The following YES1 variants were observed in gnomAD, a reference collection of about 807,000 sequenced individuals.
The protein encoded by YES1 is YES proto-oncogene 1, Src family tyrosine kinase, also known as tyrosine-protein kinase Yes.
YES1 carries 39 observed loss-of-function variants against 70.4 expected under a neutral mutation model. The ratio of observed to expected loss-of-function variants is 0.55; its 90% CI spans 0.43 to 0.72. The LOEUF (loss-of-function observed/expected upper bound fraction) is 0.72. Among genes scored for constraint, YES1 ranks in the 30% least tolerant of loss-of-function variants. The probability of loss-of-function intolerance (pLI) is 0.00; values close to 1 mark genes in which losing one functional copy is unlikely to be tolerated. For synonymous variants in YES1, 198 were observed against 218.6 expected, an observed-to-expected ratio of 0.91 and a Z score of 0.83; for missense variants, 495 against 644.8, an observed-to-expected ratio of 0.77 and a Z score of 2.52.
At chr18:793,616 T>C (rs1466897293) in intron 1 of YES1, among the ~76,000 whole-genome samples, 4 of 152,166 alleles carry the variant, frequency 2.6e-5, no homozygotes, top group Non-Finnish European at 5.9e-5. Context: ...GGATTACAGG[T>C]GTGAGCCACT....
intron 11 of YES1, among the ~76,000 whole-genome samples, chr18:731,966 C>CCA (rs1491207098): frequency 1.3e-5 from 1 of 79,968 alleles, no homozygotes; most frequent in Non-Finnish European, 2.3e-5. Context: ...GACTCCATTT[C>CCA]AAAAAAAAAA....
intron 1 of YES1, among the ~76,000 whole-genome samples, chr18:762,727 C>T (rs996271119): frequency 2.6e-5 from 4 of 152,018 alleles, no homozygotes; most frequent in Admixed American, 1.3e-4. Context: ...TCCATTTAAC[C>T]GAACACCACT....
At chr18:793,253 A>G (rs972659189) in intron 1 of YES1, among the ~76,000 whole-genome samples, 1 of 151,892 alleles carries the variant, frequency 6.6e-6, no homozygotes, top group South Asian at 2.1e-4. Flanking sequence ...GTTGGCCAGG[A>G]TGGTCTCAAA....
rs1028554555 is a variant in YES1, at chr18:730,671, G to A, written c.1423+2163C>T. Among the ~76,000 whole-genome samples, 8 of 152,216 alleles carry A rather than the reference G, an allele frequency of 5.3e-5. No individual in the cohort carries two copies. The East Asian group carries it at 7.7e-4, about 15-fold the overall frequency. On this transcript the variant is annotated intron_variant, in intron 11 of 11. Coordinates refer to ENST00000314574, the MANE Select transcript of YES1 (RefSeq NM_005433.4). ...TGTGCTATTTTAGAAAATGCCTTCA[G>A]AAAAGCCAATATAAATGGGCTTCCT...
At chr18:812,301 C>T (rs1315312628), upstream of YES1, 4 of 143,826 alleles carry the variant, frequency 2.8e-5, no homozygotes, top group Non-Finnish European at 6.1e-5. Context: ...GCTCCCCACG[C>T]CTCGGCCTCA....
intron 1 of YES1, among the ~76,000 whole-genome samples, chr18:781,007 G>A (rs113163956): frequency 0.012 from 1,762 of 152,170 alleles, 19 homozygotes; most frequent in Non-Finnish European, 0.018. Context: ...GGTGGCTCAC[G>A]CCTTCAATCC....
At chr18:725,604 T>A (rs762171465) in intron 11 of YES1, among the ~76,000 whole-genome samples, 83 of 152,292 alleles carry the variant, frequency 5.5e-4, no homozygotes, top group Non-Finnish European at 6.9e-4. Flanking sequence ...ATAAGTGAAA[T>A]CTGGCCGGGC....
At chr18:800,104 G>A (rs1383696485) in intron 1 of YES1, among the ~76,000 whole-genome samples, 1 of 152,166 alleles carries the variant, frequency 6.6e-6, no homozygotes, top group East Asian at 1.9e-4. Flanking sequence ...AATTCATCCT[G>A]AGCGTTAATG....
At chr18:789,645 A>T (rs1188832097) in intron 1 of YES1, among the ~76,000 whole-genome samples, 1 of 152,214 alleles carries the variant, frequency 6.6e-6, no homozygotes, top group African/African-American at 2.4e-5. Flanking sequence ...AATGAACTAC[A>T]GCAAAGGCTG....
At position 724,406 on chromosome 18, in the gene YES1, T is replaced by C. The variant is rs546293592; in HGVS notation, c.*18A>G. 5 of 1,608,498 alleles carry C rather than the reference T, an allele frequency of 3.1e-6. No homozygotes were observed. In the African/African-American group the frequency reaches 5.3e-5, roughly 17 times the overall value. The stretch of plus-strand genomic sequence containing the variant: ...TTATATTTTGGCAGATTTGTGCATA[T>C]AAAATAGGCTACTTGAATTATAAAT... On this transcript the variant is annotated 3_prime_UTR_variant, in exon 12 of 12. Transcript: ENST00000314574.
intron 6 of YES1, among the ~76,000 whole-genome samples, chr18:743,723 C>A (rs2080242594): frequency 6.6e-6 from 1 of 151,790 alleles, no homozygotes; most frequent in Admixed American, 6.6e-5. Flanking sequence ...CTGGCCAATA[C>A]AGTGAAACAC....
At chr18:798,968 CAAAAT>C (rs1906680599) in intron 1 of YES1, among the ~76,000 whole-genome samples, 1 of 152,108 alleles carries the variant, frequency 6.6e-6, no homozygotes, top group Non-Finnish European at 1.5e-5. Context: ...TAATTAAGTT[CAAAAT>C]AGCAAATATC....
intron 11 of YES1, among the ~76,000 whole-genome samples, chr18:727,510 G>A (rs895023630): frequency 2.6e-5 from 4 of 151,864 alleles, no homozygotes; most frequent in Admixed American, 1.3e-4. Flanking sequence ...CCATCTGTTC[G>A]TTTCTCCTCT....
Position 765,893 on chromosome 18 carries a change from C to T in YES1, c.-8-9058G>A, listed in dbSNP as rs145134519. ...TTTCTTAACATCATGAAGACAAAAG[C>T]GAGATTGCAGTAAGTTGAAGAATAA... is the stretch of plus-strand genomic sequence containing the variant. On this transcript the variant is annotated intron_variant, in intron 1 of 11. Coordinates refer to ENST00000314574, the MANE Select transcript of YES1 (RefSeq NM_005433.4). Among the ~76,000 whole-genome samples the T allele has an allele frequency of 4.2e-3, 644 of 152,148 alleles. 3 individuals are homozygous for T. Among genetic ancestry groups the T allele is most frequent in the African/African-American group, 0.015 (615 of 41,502 alleles).
chr18:735,757 G>A (rs1397953989), intron 10 of YES1: 3 of 152,136 alleles, frequency 2.0e-5, no homozygotes, highest in Admixed American at 1.3e-4. Context: ...TGGGTACAGT[G>A]CAAGATGCTT....
At chr18:755,583 C>T (rs2080396176) in intron 2 of YES1, among the ~76,000 whole-genome samples, 1 of 152,126 alleles carries the variant, frequency 6.6e-6, no homozygotes, top group Non-Finnish European at 1.5e-5. Context: ...TTGGAACAGA[C>T]TGAAGAGACA....
intron 10 of YES1, among the ~76,000 whole-genome samples, chr18:735,242 C>G (rs1338818571): frequency 6.6e-6 from 1 of 151,484 alleles, no homozygotes; most frequent in Non-Finnish European, 1.5e-5. Context: ...AGATATGGAG[C>G]CAATCTAAAT....
At chr18:778,688 T>C (rs1245202715) in intron 1 of YES1, among the ~76,000 whole-genome samples, 1 of 152,162 alleles carries the variant, frequency 6.6e-6, no homozygotes, top group Admixed American at 6.5e-5. Context: ...TCATAAAACA[T>C]GAACAATTTC....
Position 743,917 on chromosome 18 carries a change from A to AT in YES1, c.725-503_725-502insA, listed in dbSNP as rs1167039865. On this transcript the variant is annotated intron_variant, in intron 6 of 11. Coordinates refer to ENST00000314574, the MANE Select transcript of YES1 (RefSeq NM_005433.4). ...TGAGATTCTGACTCGAAAAAAAAAA[A>AT]AATATATATATATATACATGTTATT... 5.2e-3 allele frequency among the ~76,000 whole-genome samples: 760 copies of AT among 147,266 alleles called. 8 individuals are homozygous for AT. Among genetic ancestry groups the AT allele is most frequent in the African/African-American group, 0.017 (684 of 40,154 alleles).
Sources: gnomAD v4.1 joint callset for allele counts (sites outside exome capture counted in the v4.1 genomes callset) on GRCh38, gnomAD v4.1.1 for gene constraint, MANE v1.5 for transcripts, NCBI Gene and HGNC (gene_info 2026-07-23, HGNC 2026-07-21) for gene names.